Variants in TLE4 observed in about 807,000 individuals in gnomAD.
TLE4 encodes the protein transducin-like enhancer protein 4.
TLE4 carries 8 observed loss-of-function variants against 92.8 expected under a neutral mutation model. The ratio of observed to expected loss-of-function variants is 0.09; its 90% CI spans 0.05 to 0.16. TLE4 has a LOEUF of 0.16. Among genes scored for constraint, TLE4 ranks in the 10% least tolerant of loss-of-function variants. The pLI, the probability that TLE4 is intolerant of heterozygous loss-of-function variation, is 1.00. For synonymous variants in TLE4, 371 were observed against 374.1 expected (o/e 0.99, Z 0.10); for missense variants, 675 against 997.6 (o/e 0.68, Z 4.36).
chr9:79,648,214 T>G (rs989475091), intron 6 of TLE4, among the ~76,000 whole-genome samples: 2 of 152,152 alleles, frequency 1.3e-5, no homozygotes, highest in African/African-American at 4.8e-5. Flanking sequence ...GAGTATTTTA[T>G]TTTCAGTAGT....
chr9:79,589,773 A>G (rs533394084), intron 4 of TLE4, among the ~76,000 whole-genome samples: 1 of 152,002 alleles, frequency 6.6e-6, no homozygotes, highest in South Asian at 2.1e-4. Context: ...TATATGATAG[A>G]CCGGGCTGCC....
chr9:79,689,979 C>T (rs550264892), intron 8 of TLE4, among the ~76,000 whole-genome samples: 1 of 152,210 alleles, frequency 6.6e-6, no homozygotes, highest in South Asian at 2.1e-4. Flanking sequence ...TTGAAAGCTC[C>T]ACAGGTGATT....
At chr9:79,581,076 C>T (rs1477117280) in intron 4 of TLE4, among the ~76,000 whole-genome samples, 1 of 152,182 alleles carries the variant, frequency 6.6e-6, no homozygotes, top group African/African-American at 2.4e-5. Flanking sequence ...TAATATTCCA[C>T]AATTAATGTT....
chr9:79,703,404 A>G, intron 8 of TLE4, among the ~76,000 whole-genome samples: 1 of 152,006 alleles, frequency 6.6e-6, no homozygotes, highest in East Asian at 1.9e-4. Flanking sequence ...CTGCATTTAG[A>G]TCTTTTCTTT....
intron 8 of TLE4, among the ~76,000 whole-genome samples, chr9:79,692,481 C>T (rs2067276542): frequency 6.6e-6 from 1 of 152,178 alleles, no homozygotes; most frequent in Admixed American, 6.5e-5. Flanking sequence ...CCTTTTAGGA[C>T]AGATCCCAGA....
At chr9:79,718,171 G>A (rs2074939556) in intron 14 of TLE4, 1 of 418,804 alleles carries the variant, frequency 2.4e-6, no homozygotes, top group Admixed American at 3.0e-5. Flanking sequence ...TTTAAAATAG[G>A]GCTTTATCTT....
intron 4 of TLE4, among the ~76,000 whole-genome samples, chr9:79,589,983 G>A (rs553683808): frequency 6.6e-5 from 10 of 152,246 alleles, no homozygotes; most frequent in East Asian, 1.9e-4. Flanking sequence ...ATATGGGTTC[G>A]TTTTTATTTT....
Position 79,627,444 on chromosome 9 carries a change from T to C in TLE4, c.386T>C (p.Ile129Thr). Reference protein sequence around the residue: ...QVTMAELNAIIGQQLQAQHLS... With the variant: ...QVTMAELNAITGQQLQAQHLS... ...ACCATGGCAGAACTGAACGCCATCA[T>C]TGGGGTACGTGGCCTTTCCATTTTA... The change falls in exon 6 of 20, where the codon ATT becomes ACT. Residue 129 changes from isoleucine (I) to threonine (T), a missense_variant. This residue lies in a region of TLE4 where 68 missense variants were observed against 141.2 expected (regional missense o/e 0.48). Coordinates refer to ENST00000376552, the MANE Select transcript of TLE4 (RefSeq NM_007005.6). 1 of 1,614,162 alleles carries C rather than the reference T, an allele frequency of 6.2e-7. No homozygotes were observed. The highest frequency in any genetic ancestry group is 8.5e-7 in the Non-Finnish European group (1 of 1,179,996).
intron 8 of TLE4, among the ~76,000 whole-genome samples, chr9:79,701,496 A>T (rs2069859800): frequency 1.3e-5 from 2 of 152,238 alleles, no homozygotes; most frequent in Non-Finnish European, 2.9e-5. Flanking sequence ...AACAATGTGG[A>T]AATAACTTTC....
intron 4 of TLE4, among the ~76,000 whole-genome samples, chr9:79,577,367 G>A (rs992229510): frequency 9.9e-5 from 15 of 152,142 alleles, no homozygotes; most frequent in Admixed American, 8.5e-4. Flanking sequence ...AAAAAAATGA[G>A]ACGTTGCTTA....
chr9:79,612,756 C>G (rs1294719809), intron 5 of TLE4, 38 bp downstream of exon 5: 2 of 1,581,142 alleles, frequency 1.3e-6, no homozygotes, highest in Non-Finnish European at 1.7e-6. Context: ...CTAGAAGTTG[C>G]CATTTTAGTG....
At chr9:79,669,625 T>C (rs948572910) in intron 8 of TLE4, among the ~76,000 whole-genome samples, 1 of 152,194 alleles carries the variant, frequency 6.6e-6, no homozygotes, top group Non-Finnish European at 1.5e-5. Context: ...AGGCTAAGGC[T>C]TCCTTTCAAC....
chr9:79,595,189 T>G (rs1042305223), intron 4 of TLE4, among the ~76,000 whole-genome samples: 1 of 152,142 alleles, frequency 6.6e-6, no homozygotes, highest in African/African-American at 2.4e-5. Context: ...AGGGCTGTGT[T>G]GGAGAATTTG....
At chr9:79,605,624 T>G (rs1386002559) in intron 4 of TLE4, among the ~76,000 whole-genome samples, 2 of 152,032 alleles carry the variant, frequency 1.3e-5, no homozygotes, top group East Asian at 3.9e-4. Context: ...AAATATAGCT[T>G]GAGCTCTGGG....
At chr9:79,687,909 C>A (rs1045774003) in intron 8 of TLE4, among the ~76,000 whole-genome samples, 11 of 152,150 alleles carry the variant, frequency 7.2e-5, no homozygotes, top group South Asian at 2.1e-4. Flanking sequence ...TAAAAGCACA[C>A]GATTCAGTAG....
chr9:79,620,841 C>CT (rs932421854), intron 5 of TLE4, among the ~76,000 whole-genome samples: 1 of 151,956 alleles, frequency 6.6e-6, no homozygotes, highest in African/African-American at 2.4e-5. Flanking sequence ...ACTCAGGGAG[C>CT]TTTTTTTACT....
intron 6 of TLE4, among the ~76,000 whole-genome samples, chr9:79,636,068 C>T (rs1447273072): frequency 5.3e-5 from 8 of 152,032 alleles, no homozygotes; most frequent in Non-Finnish European, 8.8e-5. Flanking sequence ...ACCATGTTTC[C>T]GCATTTGTCT....
chr9:79,698,593 T>C (rs1310248666), intron 8 of TLE4, among the ~76,000 whole-genome samples: 1 of 152,066 alleles, frequency 6.6e-6, no homozygotes, highest in East Asian at 1.9e-4. Flanking sequence ...TTTATACAGA[T>C]TGTGCTTTTA....
chr9:79,693,639 G>C, intron 8 of TLE4: 1 of 518,008 alleles, frequency 1.9e-6, no homozygotes, highest in South Asian at 1.4e-5. Context: ...GAAAGAGAGA[G>C]ACAAACTCAA....
Sources: gnomAD v4.1 joint callset for allele counts (sites outside exome capture counted in the v4.1 genomes callset) on GRCh38, gnomAD v4.1.1 for gene constraint, gnomAD v4.1.1 regional missense constraint, MANE v1.5 for transcripts, NCBI Gene and HGNC (gene_info 2026-07-23, HGNC 2026-07-21) for gene names.